The following NDUFAF2 variants were observed in gnomAD, a reference collection of about 807,000 sequenced individuals.
NDUFAF2 encodes the protein NADH:ubiquinone oxidoreductase complex assembly factor 2, also known as NADH dehydrogenase [ubiquinone] 1 alpha subcomplex assembly factor 2.
NDUFAF2 carries 13 observed loss-of-function variants against 22.8 expected under a neutral mutation model. The ratio of observed to expected loss-of-function variants is 0.57; its 90% CI spans 0.37 to 0.91. The LOEUF (loss-of-function observed/expected upper bound fraction) is 0.91. Among genes scored for constraint, NDUFAF2 ranks in the 40% least tolerant of loss-of-function variants. The pLI is 0.01. For synonymous variants in NDUFAF2, 53 were observed against 64.2 expected, an observed-to-expected ratio of 0.83 and a Z score of 0.84; for missense variants, 162 against 195.2, an observed-to-expected ratio of 0.83 and a Z score of 1.01.
intron 1 of NDUFAF2, 170 bp downstream of exon 1, chr5:60,945,552 G>A (rs1750427557): frequency 3.9e-6 from 4 of 1,036,344 alleles, no homozygotes; most frequent in Admixed American, 4.1e-5. Context: ...TCTGGCATCG[G>A]AGCCCTACCC....
At chr5:61,055,636 G>C (rs1461499689) in intron 1 of NDUFAF2, among the ~76,000 whole-genome samples, 2 of 152,180 alleles carry the variant, frequency 1.3e-5, no homozygotes, top group Admixed American at 6.6e-5. Flanking sequence ...TAGTTAGGTT[G>C]TTCTGCAGCA....
At chr5:61,051,512 G>A (rs1308504395) in intron 1 of NDUFAF2, among the ~76,000 whole-genome samples, 7 of 152,032 alleles carry the variant, frequency 4.6e-5, no homozygotes, top group Admixed American at 4.6e-4. Flanking sequence ...AGTCATAGTG[G>A]GAAAAATATT....
chr5:61,030,009 G>T (rs965253121), intron 1 of NDUFAF2, among the ~76,000 whole-genome samples: 1 of 152,002 alleles, frequency 6.6e-6, no homozygotes, highest in Non-Finnish European at 1.5e-5. Context: ...CTGTATTAGC[G>T]CCTGGACACC....
intron 3 of NDUFAF2, among the ~76,000 whole-genome samples, chr5:61,121,651 AT>A (rs1271595597): frequency 6.6e-6 from 1 of 151,930 alleles, no homozygotes; most frequent in Non-Finnish European, 1.5e-5. Flanking sequence ...GTGTCAAAGT[AT>A]TTTTTTAAGT....
At chr5:61,040,483 G>A (rs2111680210) in intron 1 of NDUFAF2, among the ~76,000 whole-genome samples, 1 of 152,116 alleles carries the variant, frequency 6.6e-6, no homozygotes, top group African/African-American at 2.4e-5. Flanking sequence ...CACACAATTT[G>A]TGATTCTTTG....
chr5:61,001,368 G>A (rs1276291635), intron 1 of NDUFAF2, among the ~76,000 whole-genome samples: 1 of 152,068 alleles, frequency 6.6e-6, no homozygotes, highest in Admixed American at 6.6e-5. Flanking sequence ...TAATTTCCCT[G>A]TACAACTTTT....
chr5:61,039,367 C>T (rs1195861311), intron 1 of NDUFAF2, among the ~76,000 whole-genome samples: 1 of 152,014 alleles, frequency 6.6e-6, no homozygotes, highest in Non-Finnish European at 1.5e-5. Flanking sequence ...TTTTATAAAG[C>T]ACATGTAACT....
chr5:61,006,188 T>A (rs1254337047), intron 1 of NDUFAF2, among the ~76,000 whole-genome samples: 2 of 152,220 alleles, frequency 1.3e-5, no homozygotes, highest in Non-Finnish European at 2.9e-5. Flanking sequence ...GCACCATTTA[T>A]TAAATAGGGA....
At chr5:61,095,858 C>G (rs886275312) in intron 2 of NDUFAF2, among the ~76,000 whole-genome samples, 3 of 152,170 alleles carry the variant, frequency 2.0e-5, no homozygotes, top group African/African-American at 7.2e-5. Flanking sequence ...TCTTCATTCT[C>G]CAGGGGTCGA....
chr5:60,969,245 A>G (rs1750797057), intron 1 of NDUFAF2, among the ~76,000 whole-genome samples: 1 of 152,086 alleles, frequency 6.6e-6, no homozygotes, highest in South Asian at 2.1e-4. Context: ...GGATTGCCAG[A>G]TGGTATGTTA....
At chr5:61,144,606 G>T (rs1307599353) in intron 3 of NDUFAF2, among the ~76,000 whole-genome samples, 2 of 152,110 alleles carry the variant, frequency 1.3e-5, no homozygotes, top group Non-Finnish European at 1.5e-5. Flanking sequence ...AAGCAGAATG[G>T]TGGATACCTG....
intron 2 of NDUFAF2, among the ~76,000 whole-genome samples, chr5:61,081,980 T>G (rs1752449388): frequency 1.3e-5 from 2 of 152,250 alleles, no homozygotes; most frequent in African/African-American, 4.8e-5. Flanking sequence ...CACTGCCAAA[T>G]GGATGTTACA....
intron 3 of NDUFAF2, among the ~76,000 whole-genome samples, chr5:61,112,818 C>T (rs1579837105): frequency 6.7e-6 from 1 of 149,086 alleles, no homozygotes; most frequent in Non-Finnish European, 1.5e-5. Context: ...GTTTCTCTTC[C>T]TTCTTTCCTT....
intron 1 of NDUFAF2, among the ~76,000 whole-genome samples, chr5:60,993,645 G>A (rs1213241245): frequency 2.6e-5 from 4 of 152,000 alleles, no homozygotes; most frequent in African/African-American, 9.7e-5. Context: ...CTCTCTGCGG[G>A]TGGTCATCCC....
chr5:60,980,583 G>A (rs1239809597), intron 1 of NDUFAF2, among the ~76,000 whole-genome samples: 1 of 151,968 alleles, frequency 6.6e-6, no homozygotes, highest in Non-Finnish European at 1.5e-5. Flanking sequence ...ACCATCCTGG[G>A]CAACATGGTA....
At chr5:60,992,399 C>G (rs143645049) in intron 1 of NDUFAF2, among the ~76,000 whole-genome samples, 249 of 152,266 alleles carry the variant, frequency 1.6e-3, no homozygotes, top group African/African-American at 3.9e-3. Flanking sequence ...GAGAGTTTCC[C>G]TACTGTTTTC....
chr5:61,138,882 C>T (rs970385152), intron 3 of NDUFAF2, among the ~76,000 whole-genome samples: 14 of 152,148 alleles, frequency 9.2e-5, no homozygotes, highest in Non-Finnish European at 1.8e-4. Context: ...CCTAAGGCAT[C>T]TTTGGACATA....
intron 3 of NDUFAF2, among the ~76,000 whole-genome samples, chr5:61,120,769 A>C (rs1387074556): frequency 2.0e-5 from 3 of 152,056 alleles, no homozygotes; most frequent in African/African-American, 7.2e-5. Flanking sequence ...AGTCTCATTT[A>C]AGTTTTAAAA....
chr5:60,983,222 C>A (rs1338887044), intron 1 of NDUFAF2, among the ~76,000 whole-genome samples: 1 of 141,814 alleles, frequency 7.1e-6, no homozygotes, highest in South Asian at 2.4e-4. Context: ...CTGTTCATAT[C>A]CTTTGCCCAC....
Sources: allele counts gnomAD v4.1 joint callset (sites outside exome capture counted in the v4.1 genomes callset), GRCh38; gene constraint gnomAD v4.1.1; transcripts MANE v1.5; gene names NCBI Gene and HGNC (gene_info 2026-07-23, HGNC 2026-07-21).